The following ARMC3 variants were observed in gnomAD, a reference collection of about 807,000 sequenced individuals.
The protein encoded by ARMC3 is armadillo repeat containing 3.
ARMC3 carries 74 observed loss-of-function variants against 90.3 expected under a neutral mutation model. The ratio of observed to expected loss-of-function variants is 0.82; its 90% CI spans 0.68 to 0.99. The LOEUF is 0.99. Among genes scored for constraint, ARMC3 ranks in the 50% least tolerant of loss-of-function variants. The pLI is 0.00. For missense variants in ARMC3, 958 were observed against 1,042.8 expected, an observed-to-expected ratio of 0.92 and a Z score of 1.12; for synonymous variants, 334 against 361.8, an observed-to-expected ratio of 0.92 and a Z score of 0.87.
intron 13 of ARMC3, among the ~76,000 whole-genome samples, chr10:23,006,478 G>C (rs1837619527): frequency 6.6e-6 from 1 of 152,204 alleles, no homozygotes; most frequent in Non-Finnish European, 1.5e-5. Context: ...TTGTGAAACT[G>C]CCTGCACAGG....
chr10:22,974,768 A>G (rs537814920), intron 8 of ARMC3, among the ~76,000 whole-genome samples: 21 of 151,982 alleles, frequency 1.4e-4, no homozygotes, highest in Non-Finnish European at 2.4e-4. Context: ...CCAGCCTCCC[A>G]AGTAGCTGGG....
At position 23,030,657 on chromosome 10, in the gene ARMC3, C is replaced by T. The variant is rs752546887; in HGVS notation, c.2107C>T (p.Pro703Ser). 1.5e-4 allele frequency: 241 copies of T among 1,613,672 alleles called. No individual in the cohort carries two copies. In the East Asian group the frequency reaches 5.3e-3, roughly 36 times the overall value. The change falls in exon 17 of 19, where the codon CCA (proline) becomes TCA (serine). Residue 703 changes from proline to serine, a missense_variant. Pro to Ser is a moderately conservative substitution (Grantham distance 74). Transcript: ENST00000298032. ...AGAGGAGGAAGAGGTTATGGTGGTA[C>T]CAAAATTTGTTGGTGAAGGAAGCTC... ...VKEEEEVMVV[P>S]KFVGEGSSDK...
intron 3 of ARMC3, among the ~76,000 whole-genome samples, chr10:22,951,737 C>A (rs1233132779): frequency 6.6e-6 from 1 of 152,104 alleles, no homozygotes; most frequent in Non-Finnish European, 1.5e-5. Context: ...AAGTGCCACT[C>A]AAAGTATTTA....
At chr10:23,019,486 A>T (rs1308866379) in intron 16 of ARMC3, among the ~76,000 whole-genome samples, 2 of 152,202 alleles carry the variant, frequency 1.3e-5, no homozygotes, top group African/African-American at 4.8e-5. Flanking sequence ...CACCCCAGAT[A>T]ATCCTAACCC....
At chr10:22,961,676 G>A (rs1835199690) in intron 6 of ARMC3, 1 of 499,648 alleles carries the variant, frequency 2.0e-6, no homozygotes, top group Non-Finnish European at 3.5e-6. Context: ...ATTTTCTGTT[G>A]TAGACAATGT....
intron 15 of ARMC3, 25 bp downstream of exon 15, chr10:23,008,399 A>G: frequency 1.6e-6 from 2 of 1,215,326 alleles, no homozygotes; most frequent in South Asian, 1.4e-5. Context: ...TTTTATCTGT[A>G]TGCAAACAGC....
chr10:23,015,924 T>C (rs997160905), intron 16 of ARMC3, among the ~76,000 whole-genome samples: 12 of 152,206 alleles, frequency 7.9e-5, no homozygotes, highest in Admixed American at 2.6e-4. Context: ...GTGCTGGAGA[T>C]ACAGCAGTAA....
At chr10:23,008,674 T>C (rs1345815120) in intron 15 of ARMC3, 141 bp from the exon 16 acceptor site, 4 of 748,078 alleles carry the variant, frequency 5.3e-6, no homozygotes, top group African/African-American at 3.6e-5. Context: ...GGCTTCATCA[T>C]GGGGAAAGGA....
In ARMC3 at chr10:23,002,228, G is replaced by A. The variant is rs147058180; in HGVS notation, c.1562+173G>A. ...TTGGAAGGAACCACCTGGAGGCAAG[G>A]GGGTCCCGATTCACCGCTCCCTCAC... On this transcript the variant is annotated intron_variant, in intron 12 of 18. Transcript: ENST00000298032. 3.2e-3 allele frequency among the ~76,000 whole-genome samples: 480 copies of A among 152,332 alleles called. 6 individuals are homozygous for A. The highest frequency in any genetic ancestry group is 0.01 in the African/African-American group (421 of 41,578).
At chr10:23,027,666 G>C (rs1588939943) in intron 16 of ARMC3, among the ~76,000 whole-genome samples, 1 of 152,276 alleles carries the variant, frequency 6.6e-6, no homozygotes, top group African/African-American at 2.4e-5. Context: ...ATTCCTGACT[G>C]TGTAGATTTA....
At chr10:22,961,691 A>AT in intron 6 of ARMC3, 193 bp from the exon 7 acceptor site, 1 of 548,980 alleles carries the variant, frequency 1.8e-6, no homozygotes, top group East Asian at 3.1e-5. Context: ...CAATGTCTAC[A>AT]TATTACAGTT....
intron 7 of ARMC3, among the ~76,000 whole-genome samples, chr10:22,967,541 G>A (rs1435079898): frequency 6.6e-6 from 1 of 152,118 alleles, no homozygotes; most frequent in Non-Finnish European, 1.5e-5. Context: ...CCTGGCTATG[G>A]GAGAAACGGC....
intron 2 of ARMC3, among the ~76,000 whole-genome samples, chr10:22,940,195 A>G (rs1197200251): frequency 6.6e-6 from 1 of 152,260 alleles, no homozygotes; most frequent in Non-Finnish European, 1.5e-5. Flanking sequence ...AAAGATGGAC[A>G]TTTTATGATA....
chr10:22,977,370 C>A (rs1835975564), intron 8 of ARMC3, among the ~76,000 whole-genome samples: 2 of 152,158 alleles, frequency 1.3e-5, no homozygotes, highest in South Asian at 4.2e-4. Flanking sequence ...AAAGCAACAA[C>A]CTGTGCATGA....
chr10:22,929,572 G>A (rs997493660), intron 1 of ARMC3, among the ~76,000 whole-genome samples: 3 of 151,966 alleles, frequency 2.0e-5, no homozygotes, highest in Non-Finnish European at 4.4e-5. Context: ...GGAGGAGACA[G>A]AGTCTCGCTC....
intron 16 of ARMC3, among the ~76,000 whole-genome samples, chr10:23,022,748 C>T (rs1371047246): frequency 6.6e-6 from 1 of 152,124 alleles, no homozygotes; most frequent in Non-Finnish European, 1.5e-5. Flanking sequence ...GGCAGCTGGG[C>T]AGGAGTAGCA....
At chr10:23,017,414 T>C (rs144661087) in intron 16 of ARMC3, among the ~76,000 whole-genome samples, 40 of 152,278 alleles carry the variant, frequency 2.6e-4, no homozygotes, top group African/African-American at 9.1e-4. Flanking sequence ...AGTTAAATAA[T>C]TCCCAAACCC....
intron 6 of ARMC3, 140 bp downstream of exon 6, chr10:22,959,714 GA>G: frequency 1.2e-6 from 1 of 818,828 alleles, no homozygotes; most frequent in South Asian, 1.9e-5. Flanking sequence ...ATCATTCAGA[GA>G]AAAAAATAAT....
rs1193219019 is a variant in ARMC3 at position 22,968,428 on chromosome 10, C to T, written c.855C>T (p.Asn285=). 1.2e-6 allele frequency: 2 copies of T among 1,612,224 alleles called. No homozygotes were observed. The change falls in exon 8 of 19, where the codon AAC becomes AAT. Residue 285 remains asparagine, a synonymous_variant. Transcript: ENST00000298032. ...AAAAGCTCCTGTCATTTGCAGAAAA[C>T]TCTACAATTCCTGATATTCAGAAGA... ...GLKKLLSFAE[N]STIPDIQKNA... is the part of the protein sequence containing the mutation.
Sources: gnomAD v4.1 joint callset for allele counts (sites outside exome capture counted in the v4.1 genomes callset) on GRCh38, gnomAD v4.1.1 for gene constraint, MANE v1.5 for transcripts, NCBI Gene and HGNC (gene_info 2026-07-23, HGNC 2026-07-21) for gene names.